ST7L: variants seen among roughly 807,000 people sequenced by gnomAD.
The protein encoded by ST7L is suppression of tumorigenicity 7 like.
In ST7L, 57 loss-of-function variants were observed where a neutral mutation model predicts 72.5. That is an observed-to-expected ratio of 0.79 (90% confidence interval 0.64 to 0.98). The LOEUF is 0.98. Ranked by LOEUF, ST7L falls within the 50% of genes least tolerant of loss-of-function variation. The pLI, the probability that ST7L is intolerant of heterozygous loss-of-function variation, is 0.00. For missense variants in ST7L, 576 were observed against 672.2 expected (o/e 0.86, Z 1.58); for synonymous variants, 221 against 240.9 (o/e 0.92, Z 0.77).
chr1:112,571,222 C>T (rs1662074090), intron 11 of ST7L: 4 of 420,120 alleles, frequency 9.5e-6, no homozygotes, highest in South Asian at 3.4e-5. Flanking sequence ...TCATAACACT[C>T]GGCTTAAAGG....
At chr1:112,526,194 A>G in intron 14 of ST7L, 83 bp from the exon 15 acceptor site, 1 of 1,585,478 alleles carries the variant, frequency 6.3e-7, no homozygotes, top group Admixed American at 1.7e-5. Flanking sequence ...AGCACAGTTT[A>G]CAAAGGAACA....
At chr1:112,531,892 A>G (rs1430224434) in intron 14 of ST7L, among the ~76,000 whole-genome samples, 1 of 152,206 alleles carries the variant, frequency 6.6e-6, no homozygotes, top group Non-Finnish European at 1.5e-5. Context: ...GACAGGCCCT[A>G]TTGGAGTCCT....
At chr1:112,619,624 GAT>G, upstream of ST7L, 3 of 563,832 alleles carry the variant, frequency 5.3e-6, no homozygotes, top group Non-Finnish European at 6.3e-6. Flanking sequence ...CATTGGGAAA[GAT>G]ATTAGACTTC....
chr1:112,571,118 C>A (rs1043258445), intron 11 of ST7L, among the ~76,000 whole-genome samples: 1 of 152,034 alleles, frequency 6.6e-6, no homozygotes, highest in South Asian at 2.1e-4. Flanking sequence ...TGCAGTGAGC[C>A]GAGATCAGCC....
intron 11 of ST7L, among the ~76,000 whole-genome samples, chr1:112,569,033 T>C (rs1661611365): frequency 6.6e-6 from 1 of 151,858 alleles, no homozygotes; most frequent in Non-Finnish European, 1.5e-5. Context: ...TATCACTTCA[T>C]ACCCATTGGG....
chr1:112,575,128 A>C (rs1662899188), intron 11 of ST7L, among the ~76,000 whole-genome samples: 1 of 152,154 alleles, frequency 6.6e-6, no homozygotes, highest in South Asian at 2.1e-4. Flanking sequence ...AGTCCCAGCT[A>C]CTTGGGAGGC....
chr1:112,581,694 C>G (rs762579242), intron 9 of ST7L, among the ~76,000 whole-genome samples: 12 of 152,280 alleles, frequency 7.9e-5, no homozygotes, highest in Non-Finnish European at 1.6e-4. Flanking sequence ...CAGGTGTGAG[C>G]CACCATGCCC....
chr1:112,539,655 CAAAA>C (rs11372554), intron 14 of ST7L: 286 of 761,580 alleles, frequency 3.8e-4, no homozygotes, highest in Non-Finnish European at 4.0e-4. Flanking sequence ...GACTCTGTTT[CAAAA>C]AAAAAAAAAA....
In ST7L at chr1:112,542,003, A is replaced by C. The variant is rs760843064; in HGVS notation, c.1577T>G (p.Ile526Arg). 2.5e-6 allele frequency: 4 copies of C among 1,614,056 alleles called. No homozygotes were observed. The highest frequency in any genetic ancestry group is 8.5e-7 in the Non-Finnish European group (1 of 1,179,986). Residue 526 changes from isoleucine (I) to arginine (R), a missense_variant, in exon 14 of 15, where the codon ATA becomes AGA. Transcript: ENST00000358039. ...AGGAAACTGGTGAGTGAGAATGGCT[A>C]TCATTGCTGTAGAAGAGCAAAATCC... ...TAGFCSSTAMIAILTHQFPEI... is the reference protein window; with the variant it reads ...TAGFCSSTAMRAILTHQFPEI...
intron 1 of ST7L, chr1:112,617,198 G>C (rs924630112): frequency 2.7e-5 from 5 of 188,614 alleles, no homozygotes; most frequent in African/African-American, 1.2e-4. Flanking sequence ...CTTTTACAAA[G>C]GAGGTTCAAA....
At chr1:112,594,507 A>G (rs1483879448) in intron 5 of ST7L, among the ~76,000 whole-genome samples, 1 of 152,230 alleles carries the variant, frequency 6.6e-6, no homozygotes, top group African/African-American at 2.4e-5. Flanking sequence ...TTACTATCAA[A>G]GAATGGATTG....
intron 3 of ST7L, among the ~76,000 whole-genome samples, chr1:112,603,220 G>A (rs114774958): frequency 0.02 from 3,097 of 152,080 alleles, 107 homozygotes; most frequent in African/African-American, 0.07. Flanking sequence ...GAGTTTTTTC[G>A]TATTATGCAA....
At chr1:112,545,746 A>C (rs146160326) in intron 13 of ST7L, among the ~76,000 whole-genome samples, 17 of 152,298 alleles carry the variant, frequency 1.1e-4, no homozygotes, top group Non-Finnish European at 2.5e-4. Context: ...TTCAACTGTC[A>C]TTCTGCCACT....
At chr1:112,600,435 TA>T (rs566455639) in intron 4 of ST7L, among the ~76,000 whole-genome samples, 32 of 147,308 alleles carry the variant, frequency 2.2e-4, no homozygotes, top group Admixed American at 3.4e-4. Flanking sequence ...GGCTTTCACT[TA>T]AAAAAAAAAA....
At chr1:112,544,927 G>C (rs567122911) in intron 13 of ST7L, among the ~76,000 whole-genome samples, 2 of 152,122 alleles carry the variant, frequency 1.3e-5, no homozygotes, top group African/African-American at 4.8e-5. Context: ...CCCTTGGAAC[G>C]AAAGTTCAAA....
chr1:112,602,713 C>CT (rs35617753), intron 3 of ST7L, among the ~76,000 whole-genome samples: 21,657 of 120,492 alleles, frequency 0.18, 2,537 homozygotes, highest in Non-Finnish European at 0.24. Flanking sequence ...CATTTTCTTT[C>CT]TTTTTTTTTT....
chr1:112,578,779 AAAAAC>A (rs927324157), intron 9 of ST7L, among the ~76,000 whole-genome samples: 2 of 152,226 alleles, frequency 1.3e-5, no homozygotes, highest in African/African-American at 2.4e-5. Flanking sequence ...CGTCTCCAAA[AAAAAC>A]AAAACAAAAC....
At chr1:112,612,251 C>G (rs951385044) in intron 2 of ST7L, among the ~76,000 whole-genome samples, 1 of 152,012 alleles carries the variant, frequency 6.6e-6, no homozygotes, top group African/African-American at 2.4e-5. Context: ...GCATGTGCCA[C>G]CATGCCCAGC....
chr1:112,606,366 A>G (rs964432492), intron 3 of ST7L, among the ~76,000 whole-genome samples: 4 of 152,192 alleles, frequency 2.6e-5, no homozygotes, highest in South Asian at 2.1e-4. Flanking sequence ...TAAATATCCA[A>G]TGTCATTGCT....
Sources: gnomAD v4.1 joint callset for allele counts (sites outside exome capture counted in the v4.1 genomes callset) on GRCh38, gnomAD v4.1.1 for gene constraint, MANE v1.5 for transcripts, NCBI Gene and HGNC (gene_info 2026-07-23, HGNC 2026-07-21) for gene names.